The following PLXNA1 variants were observed in gnomAD, a reference collection of about 807,000 sequenced individuals.
PLXNA1 encodes plexin A1, also known as plexin-A1.
In PLXNA1, 77 loss-of-function variants were observed where a neutral mutation model predicts 191.7. That is an observed-to-expected ratio of 0.40 (90% confidence interval 0.33 to 0.49). The LOEUF is 0.49. Among genes scored for constraint, PLXNA1 ranks in the 20% least tolerant of loss-of-function variants. The pLI is 0.63. For missense variants in PLXNA1, 2,110 were observed against 2,660.2 expected, an observed-to-expected ratio of 0.79 and a Z score of 4.55; for synonymous variants, 1,137 against 1,156.4, an observed-to-expected ratio of 0.98 and a Z score of 0.34.
At chr3:126,984,729 G>T (rs555509796) in intron 1 of PLXNA1, among the ~76,000 whole-genome samples, 1 of 152,202 alleles carries the variant, frequency 6.6e-6, no homozygotes, top group Non-Finnish European at 1.5e-5. Flanking sequence ...GACACATGAG[G>T]TGCCTGTGGA....
At chr3:127,007,281 AC>A (rs1241218823) in intron 8 of PLXNA1, among the ~76,000 whole-genome samples, 19 of 152,136 alleles carry the variant, frequency 1.2e-4, no homozygotes, top group African/African-American at 4.3e-4. Flanking sequence ...AGCCTGGCAG[AC>A]CCTGGGGTGT....
At chr3:127,020,088 C>G in intron 20 of PLXNA1, 114 bp from the exon 21 acceptor site, 1 of 1,352,136 alleles carries the variant, frequency 7.4e-7, no homozygotes, top group Admixed American at 2.0e-5. Flanking sequence ...CTTAAGATCA[C>G]GAAACCAGTA....
In PLXNA1 at chr3:127,003,311, G is replaced by A. The variant is rs1182171308; in HGVS notation, c.1378-19G>A. On this transcript the variant is annotated intron_variant, in intron 3 of 31. Coordinates refer to ENST00000393409, the MANE Select transcript of PLXNA1 (RefSeq NM_032242.4). The stretch of plus-strand genomic sequence containing the variant: ...GGAGGTATCAGCACAGCTCCAGTTA[G>A]GGCCCCTTGCTGCCGCAGATCCTGG... 2 of 1,578,762 alleles carry A rather than the reference G, an allele frequency of 1.3e-6. No individual in the cohort carries two copies. The highest frequency in any genetic ancestry group is 1.7e-6 in the Non-Finnish European group (2 of 1,157,424).
rs968165981 is a variant in PLXNA1 at position 126,990,724 on chromosome 3, C to T, written c.1195-660C>T. ...CCCCTCAGTCCTTCCGTCTCACGCTCACTGCCTGTGTGAGGCAGGGCCCAT... is the reference window on the plus strand; with the variant it reads ...CCCCTCAGTCCTTCCGTCTCACGCTTACTGCCTGTGTGAGGCAGGGCCCAT... On this transcript the variant is annotated intron_variant, in intron 2 of 31. Transcript: ENST00000393409. Among the ~76,000 whole-genome samples, 3 of 152,366 alleles carry T rather than the reference C, an allele frequency of 2.0e-5. 1 individual carries two copies.
intron 7 of PLXNA1, among the ~76,000 whole-genome samples, chr3:127,005,509 A>T (rs1042471125): frequency 5.3e-5 from 8 of 152,154 alleles, no homozygotes; most frequent in African/African-American, 1.7e-4. Flanking sequence ...CTCACCATAC[A>T]TTTACAGTAG....
intron 15 of PLXNA1, 127 bp downstream of exon 15, chr3:127,015,447 C>T (rs2079118324): frequency 2.4e-6 from 3 of 1,265,858 alleles, no homozygotes; most frequent in South Asian, 1.5e-5. Flanking sequence ...ACTGTGAAAC[C>T]CAGAGGCGGA....
In PLXNA1 at chr3:127,005,495, T is replaced by C. The variant is rs114677254; in HGVS notation, c.1897+252T>C. Reference sequence around the variant, plus strand: ...TACATCCTTCTTAGGATTTATCTTATGGGCTCACCATACATTTACAGTAGG... The same window carrying C: ...TACATCCTTCTTAGGATTTATCTTACGGGCTCACCATACATTTACAGTAGG... On this transcript the variant is annotated intron_variant, in intron 7 of 31. Transcript: ENST00000393409. 9.1e-3 allele frequency among the ~76,000 whole-genome samples: 1,390 copies of C among 152,348 alleles called. 17 individuals carry two copies. The highest frequency in any genetic ancestry group is 0.031 in the African/African-American group (1,300 of 41,578).
At chr3:127,011,652 C>T (rs942432990) in intron 9 of PLXNA1, among the ~76,000 whole-genome samples, 5 of 152,294 alleles carry the variant, frequency 3.3e-5, no homozygotes, top group South Asian at 4.1e-4. Context: ...CCCCAGAGCC[C>T]CAATCTCTTC....
intron 1 of PLXNA1, among the ~76,000 whole-genome samples, chr3:126,988,304 C>T (rs1208363244): frequency 1.3e-5 from 2 of 152,188 alleles, no homozygotes; most frequent in Admixed American, 1.3e-4. Flanking sequence ...TGACCTCTTG[C>T]CAGGTGTCCT....
intron 7 of PLXNA1, among the ~76,000 whole-genome samples, chr3:127,005,687 G>C (rs2079064375): frequency 6.6e-6 from 1 of 152,038 alleles, no homozygotes; most frequent in Non-Finnish European, 1.5e-5. Flanking sequence ...GTCTTGCGGG[G>C]GGCTGCAGGC....
intron 2 of PLXNA1, among the ~76,000 whole-genome samples, 158 bp downstream of exon 2, chr3:126,989,945 C>A (rs1339074812): frequency 6.6e-6 from 1 of 152,258 alleles, no homozygotes; most frequent in Non-Finnish European, 1.5e-5. Flanking sequence ...TGCCCTTTTC[C>A]ATCCCCCAGA....
intron 10 of PLXNA1, among the ~76,000 whole-genome samples, chr3:127,012,695 C>A (rs145035354): frequency 1.3e-5 from 2 of 152,254 alleles, no homozygotes; most frequent in African/African-American, 4.8e-5. Context: ...ATGCGTAGAC[C>A]TTCAGATCTG....
chr3:126,989,729 G>A lies in PLXNA1; in HGVS notation c.1136G>A (p.Gly379Asp), dbSNP rs2078981577. 6.2e-7 allele frequency: 1 copy of A among 1,612,922 alleles called. No homozygotes were observed. Among genetic ancestry groups the A allele is most frequent in the Non-Finnish European group, 8.5e-7 (1 of 1,179,984 alleles). The change falls in exon 2 of 32, where the codon GGT becomes GAT. Residue 379 changes from glycine (G) to aspartate (D), a missense_variant. Gly to Asp is a moderately conservative substitution (Grantham distance 94). Around this residue, in one of 4 missense-constraint regions of PLXNA1, gnomAD observed 903 missense variants for 1,015.7 expected, o/e 0.89. Transcript: ENST00000393409. ...GAGCGCATCCAGTCCTGCTACCGTG[G>A]TGAGGGCAAGCTCTCCCTGCCGTGG... Reference protein sequence around the residue: ...IKERIQSCYRGEGKLSLPWLL... With the variant: ...IKERIQSCYRDEGKLSLPWLL...
Position 126,988,852 on chromosome 3 carries a change from G to A in PLXNA1, c.259G>A (p.Gly87Ser). 1 of 1,613,422 alleles carries A rather than the reference G, an allele frequency of 6.2e-7. No homozygotes were observed. The highest frequency in any genetic ancestry group is 8.5e-7 in the Non-Finnish European group (1 of 1,180,004). The change falls in exon 2 of 32, where the codon GGC becomes AGC. Residue 87 changes from glycine to serine, a missense_variant. By Grantham distance (56) the Gly-to-Ser change is moderately conservative (BLOSUM62 0). Coordinates refer to ENST00000393409, the MANE Select transcript of PLXNA1 (RefSeq NM_032242.4). ...NLTLLRAHVTGPVEDNEKCYP... is the reference protein window; with the variant it reads ...NLTLLRAHVTSPVEDNEKCYP... ...GACACTGCTGCGGGCCCACGTCACG[G>A]GCCCTGTGGAGGACAACGAGAAGTG...
At chr3:126,997,016 C>T (rs1032889429) in intron 3 of PLXNA1, among the ~76,000 whole-genome samples, 1 of 152,164 alleles carries the variant, frequency 6.6e-6, no homozygotes, top group Non-Finnish European at 1.5e-5. Flanking sequence ...CCAGGGTGAC[C>T]GCCCTGGCTG....
intron 3 of PLXNA1, among the ~76,000 whole-genome samples, chr3:126,994,853 C>G (rs1267419029): frequency 1.3e-5 from 2 of 151,952 alleles, no homozygotes; most frequent in African/African-American, 2.4e-5. Flanking sequence ...CCCCGGGGCT[C>G]CCTCCTGCCT....
rs2079240151 is a variant in PLXNA1, at chr3:127,035,839, C to T, written c.*1822C>T. The stretch of plus-strand genomic sequence containing the variant: ...AGCCAGATGACGCCACAGAGACCCG[C>T]CTCTTCCCTGAACGCGGGTCGGTGT... On this transcript the variant is annotated 3_prime_UTR_variant, in exon 32 of 32. Transcript: ENST00000393409. 1 of 152,296 alleles carries T rather than the reference C, an allele frequency of 6.6e-6. No individual in the cohort carries two copies. The highest frequency in any genetic ancestry group is 1.5e-5 in the Non-Finnish European group (1 of 68,040). 9.4% of individuals were successfully genotyped at this position (152,296 alleles called of 1,614,324 possible).
At chr3:127,006,394 A>G (rs776358653) in intron 8 of PLXNA1, among the ~76,000 whole-genome samples, 1 of 152,194 alleles carries the variant, frequency 6.6e-6, no homozygotes, top group African/African-American at 2.4e-5. Flanking sequence ...CAGCCAGGGC[A>G]AGGCCATGAG....
chr3:127,028,325 G>T lies in PLXNA1; in HGVS notation c.4654G>T (p.Ala1552Ser), dbSNP rs768630722. ...GVPYSQRPKAADMDLEWRQGR... is the reference protein window; with the variant it reads ...GVPYSQRPKASDMDLEWRQGR... The stretch of plus-strand genomic sequence containing the variant: ...GCCCTACTCCCAGCGGCCCAAGGCC[G>T]CGGACATGGACCTGGGTGAGCGGGC... Residue 1552 changes from alanine to serine, a missense_variant, in exon 25 of 32, where the codon GCG becomes TCG. By Grantham distance (99) the Ala-to-Ser change is moderately conservative. Coordinates refer to ENST00000393409, the MANE Select transcript of PLXNA1 (RefSeq NM_032242.4). 7 of 1,611,370 alleles carry T rather than the reference G, an allele frequency of 4.3e-6. No homozygotes were observed. The highest frequency in any genetic ancestry group is 3.3e-5 in the Admixed American group (2 of 59,864).
Sources: gnomAD v4.1 joint callset for allele counts (sites outside exome capture counted in the v4.1 genomes callset) on GRCh38, gnomAD v4.1.1 for gene constraint, gnomAD v4.1.1 regional missense constraint, MANE v1.5 for transcripts, NCBI Gene and HGNC (gene_info 2026-07-23, HGNC 2026-07-21) for gene names.